SCIN: variants seen among roughly 807,000 people sequenced by gnomAD.
SCIN encodes the protein adseverin.
A neutral mutation model predicts 91.8 loss-of-function variants in SCIN; 91 were observed. The ratio of observed to expected loss-of-function variants is 0.99; its 90% CI spans 0.84 to 1.18. The LOEUF (loss-of-function observed/expected upper bound fraction) is 1.18. Among genes scored for constraint, SCIN ranks in the 50% most tolerant of loss-of-function variants. The probability of loss-of-function intolerance (pLI) is 0.00; values close to 1 mark genes in which losing one functional copy is unlikely to be tolerated. For synonymous variants in SCIN, 367 were observed against 312.6 expected (o/e 1.17, Z -1.84); for missense variants, 1,087 against 863.9 (o/e 1.26, Z -3.24).
At chr7:12,584,252 C>A (rs1022626855) in intron 3 of SCIN, among the ~76,000 whole-genome samples, 1 of 152,204 alleles carries the variant, frequency 6.6e-6, no homozygotes, top group South Asian at 2.1e-4. Flanking sequence ...TATCCAAAGA[C>A]AACCTTCTGC....
chr7:12,583,386 G>A (rs1410622597), intron 3 of SCIN, among the ~76,000 whole-genome samples: 2 of 152,148 alleles, frequency 1.3e-5, no homozygotes, highest in Non-Finnish European at 2.9e-5. Context: ...TTCAAAAGGG[G>A]AAACAAAAGC....
rs373981150 is a variant in SCIN at position 12,640,317 on chromosome 7, A to G, written c.1411-30A>G. On this transcript the variant is annotated intron_variant, in intron 10 of 15. Coordinates refer to ENST00000297029, the MANE Select transcript of SCIN (RefSeq NM_001112706.3). ...CTTCTTTCACAGCACTCTTAATTAT[A>G]TTTCTTTTATTCCCCCTCTCCCCCA... 44 of 1,511,242 alleles carry G rather than the reference A, an allele frequency of 2.9e-5. No individual in the cohort carries two copies. The African/African-American group carries it at 4.3e-4, about 15-fold the overall frequency. 93.6% of individuals were successfully genotyped at this position (1,511,242 alleles called of 1,614,324 possible).
At chr7:12,625,659 A>G (rs1410308217) in intron 6 of SCIN, 103 bp from the exon 7 acceptor site, 14 of 890,724 alleles carry the variant, frequency 1.6e-5, no homozygotes, top group Non-Finnish European at 2.4e-5. Context: ...GCTGTATTTA[A>G]CTTCAATTAT....
chr7:12,646,040 T>C (rs1158723132), intron 13 of SCIN, among the ~76,000 whole-genome samples: 2 of 152,210 alleles, frequency 1.3e-5, no homozygotes, highest in Non-Finnish European at 2.9e-5. Flanking sequence ...ATTAAAAATA[T>C]TATGGAAATA....
chr7:12,592,130 G>C (rs1279634029), intron 3 of SCIN, among the ~76,000 whole-genome samples: 1 of 152,184 alleles, frequency 6.6e-6, no homozygotes, highest in African/African-American at 2.4e-5. Context: ...GTCAGTCCAG[G>C]TGAAAGCAAA....
intron 1 of SCIN, among the ~76,000 whole-genome samples, chr7:12,573,787 A>G (rs909154156): frequency 2.0e-5 from 3 of 152,204 alleles, no homozygotes; most frequent in African/African-American, 7.2e-5. Flanking sequence ...TCACACAAAT[A>G]TATTTTAAAG....
At chr7:12,595,003 G>T (rs950991435) in intron 3 of SCIN, among the ~76,000 whole-genome samples, 1 of 152,082 alleles carries the variant, frequency 6.6e-6, no homozygotes, top group African/African-American at 2.4e-5. Context: ...TAGCAGGTTC[G>T]GGAAGGGGAG....
In SCIN at chr7:12,651,724, T is replaced by C; in HGVS notation, c.1960-117T>C. 3.0e-6 allele frequency: 2 copies of C among 667,608 alleles called. No individual in the cohort carries two copies. Among genetic ancestry groups the C allele is most frequent in the South Asian group, 4.0e-5 (2 of 50,376 alleles). 41.4% of individuals were successfully genotyped at this position (667,608 alleles called of 1,614,324 possible). ...GGGCCACCACCTCCACGTCCCTAAC[T>C]TCTGCGGATATTGTGAAGATTGAAT... On this transcript the variant is annotated intron_variant, in intron 14 of 15. Transcript: ENST00000297029. The surrounding 1 kb of genome is among the most constrained non-coding windows in gnomAD (Gnocchi z 5.9).
At chr7:12,639,295 C>G (rs1391726315) in intron 10 of SCIN, among the ~76,000 whole-genome samples, 1 of 152,190 alleles carries the variant, frequency 6.6e-6, no homozygotes, top group Non-Finnish European at 1.5e-5. Flanking sequence ...CTATAACTGA[C>G]AAAACGTTTC....
At position 12,651,977 on chromosome 7, in the gene SCIN, C is replaced by T; in HGVS notation, c.2020+76C>T. ...CGAGTGTCTGGCTTGCTCTTTGCCA[C>T]CATGTCTTACAAAAATACATTTCAA... On this transcript the variant is annotated intron_variant, in intron 15 of 15. Coordinates refer to ENST00000297029, the MANE Select transcript of SCIN (RefSeq NM_001112706.3). This position sits in a 1 kb window ranked among gnomAD's most constrained non-coding sequence, Gnocchi z 5.9. 2 of 910,872 alleles carry T rather than the reference C, an allele frequency of 2.2e-6. No homozygotes were observed. The highest frequency in any genetic ancestry group is 3.4e-6 in the Non-Finnish European group (2 of 584,578). 56.4% of individuals were successfully genotyped at this position (910,872 alleles called of 1,614,324 possible).
At chr7:12,579,299 T>G (rs17166189) in intron 2 of SCIN, among the ~76,000 whole-genome samples, 5,637 of 152,302 alleles carry the variant, frequency 0.037, 369 homozygotes, top group African/African-American at 0.13. Flanking sequence ...CTTGAAATGA[T>G]TATTTTATTC....
chr7:12,612,247 C>T (rs772302521), intron 4 of SCIN, among the ~76,000 whole-genome samples: 15 of 152,148 alleles, frequency 9.9e-5, no homozygotes, highest in Non-Finnish European at 1.9e-4. Flanking sequence ...CACATAGGCA[C>T]TGCTCATCAA....
intron 3 of SCIN, among the ~76,000 whole-genome samples, chr7:12,593,266 G>C (rs1782764945): frequency 6.6e-6 from 1 of 152,182 alleles, no homozygotes; most frequent in African/African-American, 2.4e-5. Flanking sequence ...ACTGCTGGAA[G>C]CTGGTATTTA....
chr7:12,578,283 C>G, intron 2 of SCIN, 65 bp downstream of exon 2: 2 of 1,396,586 alleles, frequency 1.4e-6, no homozygotes, highest in Non-Finnish European at 1.9e-6. Context: ...TACCTCCTGT[C>G]TTCATAGAAT....
At chr7:12,640,211 C>T in intron 10 of SCIN, 136 bp from the exon 11 acceptor site, 1 of 680,514 alleles carries the variant, frequency 1.5e-6, no homozygotes, top group Non-Finnish European at 2.2e-6. Flanking sequence ...TTCTGTTAAT[C>T]ATCATTCCTC....
At chr7:12,583,281 T>G (rs1782525829) in intron 3 of SCIN, among the ~76,000 whole-genome samples, 1 of 152,174 alleles carries the variant, frequency 6.6e-6, no homozygotes, top group Non-Finnish European at 1.5e-5. Context: ...ACATCTTGAC[T>G]CTGATTTCTG....
In SCIN at chr7:12,651,582, G is replaced by C. The variant is rs997996835; in HGVS notation, c.1960-259G>C. Among the ~76,000 whole-genome samples, 1 of 151,312 alleles carries C rather than the reference G, an allele frequency of 6.6e-6. No homozygotes were observed. Among genetic ancestry groups the C allele is most frequent in the Non-Finnish European group, 1.5e-5 (1 of 67,918 alleles). On this transcript the variant is annotated intron_variant, in intron 14 of 15. Transcript: ENST00000297029. This position sits in a 1 kb window ranked among gnomAD's most constrained non-coding sequence, Gnocchi z 5.9. ...TTGTGAAAGATCACTTTACAAACTAGAAAGTACCATGTAAACATAAAATAT... is the reference window on the plus strand; with the variant it reads ...TTGTGAAAGATCACTTTACAAACTACAAAGTACCATGTAAACATAAAATAT...
At chr7:12,645,731 G>A (rs1783953124) in intron 13 of SCIN, among the ~76,000 whole-genome samples, 1 of 152,126 alleles carries the variant, frequency 6.6e-6, no homozygotes, top group African/African-American at 2.4e-5. Flanking sequence ...ACTTATAAGT[G>A]AGAACCTGCA....
chr7:12,601,470 T>C (rs1358319900), intron 3 of SCIN, among the ~76,000 whole-genome samples: 1 of 152,234 alleles, frequency 6.6e-6, no homozygotes, highest in Non-Finnish European at 1.5e-5. Context: ...TCCCTCACAC[T>C]TAACCACAAC....
Sources: allele counts gnomAD v4.1 joint callset (sites outside exome capture counted in the v4.1 genomes callset), GRCh38; gene constraint gnomAD v4.1.1; non-coding constraint Gnocchi (gnomAD v3.1); transcripts MANE v1.5; gene names NCBI Gene and HGNC (gene_info 2026-07-23, HGNC 2026-07-21).